Variants in LRMDA observed in about 807,000 individuals in gnomAD.
LRMDA encodes the protein leucine rich melanocyte differentiation associated.
A neutral mutation model predicts 29.8 loss-of-function variants in LRMDA; 18 were observed. That is an observed-to-expected ratio of 0.60 (90% CI 0.42 to 0.90). The LOEUF (loss-of-function observed/expected upper bound fraction) is 0.90, where lower values mean the gene tolerates loss of function less well. Ranked by LOEUF, LRMDA falls within the 40% of genes least tolerant of loss-of-function variation. LRMDA has a pLI of 0.00. For missense variants in LRMDA, 273 were observed against 273.9 expected, an observed-to-expected ratio of 1.00 and a Z score of 0.02; for synonymous variants, 125 against 109.4, an observed-to-expected ratio of 1.14 and a Z score of -0.89.
chr10:75,571,471 A>G (rs1388741759), intron 2 of LRMDA, among the ~76,000 whole-genome samples: 5 of 152,128 alleles, frequency 3.3e-5, no homozygotes, highest in Admixed American at 3.3e-4. Flanking sequence ...TTGCTGGGAA[A>G]AGCTGTGCTT....
intron 6 of LRMDA, among the ~76,000 whole-genome samples, chr10:76,459,247 A>G (rs146076059): frequency 7.4e-4 from 113 of 152,278 alleles, no homozygotes; most frequent in Non-Finnish European, 1.2e-3. Flanking sequence ...GGAGATGTTT[A>G]TTAATGGAAA....
At chr10:76,462,010 A>T (rs1842516600) in intron 6 of LRMDA, among the ~76,000 whole-genome samples, 1 of 145,850 alleles carries the variant, frequency 6.9e-6, no homozygotes, top group Non-Finnish European at 1.5e-5. Flanking sequence ...TCAAGGCTGC[A>T]GTGAACTGCA....
chr10:75,754,019 G>A (rs561850902), intron 2 of LRMDA, among the ~76,000 whole-genome samples: 64 of 152,356 alleles, frequency 4.2e-4, no homozygotes, highest in Non-Finnish European at 8.4e-4. Flanking sequence ...GGAAGGCAAG[G>A]TTCCTTTTGC....
intron 2 of LRMDA, among the ~76,000 whole-genome samples, chr10:75,630,700 A>G (rs1457263707): frequency 3.9e-5 from 6 of 152,248 alleles, no homozygotes; most frequent in Admixed American, 3.9e-4. Context: ...AAACATACAT[A>G]TATATCACAA....
At chr10:75,608,516 TGAAGA>T (rs1049774432) in intron 2 of LRMDA, among the ~76,000 whole-genome samples, 3 of 152,144 alleles carry the variant, frequency 2.0e-5, no homozygotes, top group Non-Finnish European at 4.4e-5. Flanking sequence ...GGTAACTATG[TGAAGA>T]GAAGACTACA....
At chr10:76,328,236 T>C (rs993301709) in intron 6 of LRMDA, among the ~76,000 whole-genome samples, 1 of 152,198 alleles carries the variant, frequency 6.6e-6, no homozygotes, top group African/African-American at 2.4e-5. Context: ...GTTGGAGAAA[T>C]GTCCCTTTAA....
chr10:75,948,491 G>A (rs1416419335), intron 2 of LRMDA, among the ~76,000 whole-genome samples: 1 of 152,196 alleles, frequency 6.6e-6, no homozygotes, highest in Non-Finnish European at 1.5e-5. Flanking sequence ...TTGTTCTTGT[G>A]TTGTTGGTGC....
chr10:75,775,229 A>G (rs969093618), intron 2 of LRMDA, among the ~76,000 whole-genome samples: 1 of 152,200 alleles, frequency 6.6e-6, no homozygotes, highest in Non-Finnish European at 1.5e-5. Context: ...TCAAACAAGC[A>G]TTGGAGATTT....
In LRMDA at chr10:76,558,727, T is replaced by C. The variant is rs1843589292; in HGVS notation, c.*1439T>C. 6.6e-6 allele frequency: 1 copy of C among 152,180 alleles called. No individual in the cohort carries two copies. The highest frequency in any genetic ancestry group is 2.1e-4 in the South Asian group (1 of 4,830). The allele number at this position is 152,180 out of a possible 1,614,324, so 9.4% of individuals were successfully genotyped here. On this transcript the variant is annotated 3_prime_UTR_variant, in exon 7 of 7. Coordinates refer to ENST00000611255, the MANE Select transcript of LRMDA (RefSeq NM_001305581.2). ...CTATGGGGACTCAGAATCCCTAAGC[T>C]GCCCAAGGAGAACCTACTTTCTCAG...
At chr10:75,797,760 T>C (rs1038784642) in intron 2 of LRMDA, among the ~76,000 whole-genome samples, 5 of 152,230 alleles carry the variant, frequency 3.3e-5, no homozygotes, top group Non-Finnish European at 7.4e-5. Context: ...TTTTATTGCA[T>C]GGATATAGCA....
intron 2 of LRMDA, among the ~76,000 whole-genome samples, chr10:75,619,904 G>A (rs528013868): frequency 6.6e-6 from 1 of 152,202 alleles, no homozygotes; most frequent in African/African-American, 2.4e-5. Context: ...TATGTTCAAG[G>A]GCCTAGCACA....
intron 2 of LRMDA, among the ~76,000 whole-genome samples, chr10:76,014,309 A>G (rs905653498): frequency 5.3e-5 from 8 of 151,718 alleles, no homozygotes; most frequent in Non-Finnish European, 1.2e-4. Context: ...AAGTTTGCTG[A>G]TCCCTGACCT....
At chr10:75,617,472 A>G (rs1841118874) in intron 2 of LRMDA, among the ~76,000 whole-genome samples, 1 of 152,116 alleles carries the variant, frequency 6.6e-6, no homozygotes, top group South Asian at 2.1e-4. Context: ...CACTCTGATG[A>G]AGTAATTTGT....
At chr10:75,851,163 A>G (rs1204474800) in intron 2 of LRMDA, among the ~76,000 whole-genome samples, 2 of 152,190 alleles carry the variant, frequency 1.3e-5, no homozygotes, top group East Asian at 3.9e-4. Context: ...AATGACTTCA[A>G]AATGAGAAAC....
intron 2 of LRMDA, among the ~76,000 whole-genome samples, chr10:75,750,504 G>T (rs1589186894): frequency 1.5e-5 from 2 of 129,306 alleles, no homozygotes; most frequent in African/African-American, 6.1e-5. Flanking sequence ...GGGCAGAGGG[G>T]GTCCTCACAT....
chr10:75,743,300 C>T (rs911290971), intron 2 of LRMDA, among the ~76,000 whole-genome samples: 10 of 152,170 alleles, frequency 6.6e-5, no homozygotes, highest in African/African-American at 2.4e-4. Flanking sequence ...TTCAGTTTCT[C>T]TGAGATTTGC....
At chr10:75,984,598 G>A (rs973526132) in intron 2 of LRMDA, among the ~76,000 whole-genome samples, 3 of 152,240 alleles carry the variant, frequency 2.0e-5, no homozygotes, top group Admixed American at 1.3e-4. Context: ...GTGGCCCTGT[G>A]TGGGGGACCA....
At chr10:76,112,911 A>C (rs1426029777) in intron 5 of LRMDA, among the ~76,000 whole-genome samples, 2 of 152,202 alleles carry the variant, frequency 1.3e-5, no homozygotes, top group East Asian at 3.9e-4. Context: ...TAACTCCCTC[A>C]GAATGTTGCC....
At chr10:76,257,972 C>A (rs1839887779) in intron 5 of LRMDA, among the ~76,000 whole-genome samples, 1 of 152,172 alleles carries the variant, frequency 6.6e-6, no homozygotes, top group Non-Finnish European at 1.5e-5. Flanking sequence ...GTTCCCTTAA[C>A]AGGAGAAGGA....
Sources: gnomAD v4.1 joint callset for allele counts (sites outside exome capture counted in the v4.1 genomes callset) on GRCh38, gnomAD v4.1.1 for gene constraint, MANE v1.5 for transcripts, NCBI Gene and HGNC (gene_info 2026-07-23, HGNC 2026-07-21) for gene names.